The following ZFHX3 variants were observed in gnomAD, a reference collection of about 807,000 sequenced individuals.
ZFHX3 encodes zinc finger homeobox 3, also known as zinc finger homeobox protein 3.
In ZFHX3, 42 loss-of-function variants were observed where a neutral mutation model predicts 279.1. The observed-to-expected ratio is 0.15, with a 90% CI of 0.12 to 0.19. The LOEUF is 0.19. Ranked by LOEUF, ZFHX3 falls within the 10% of genes least tolerant of loss-of-function variation. The pLI is 1.00. For missense variants in ZFHX3, 4,981 were observed against 4,754.0 expected (o/e 1.05, Z -1.40); for synonymous variants, 2,293 against 1,957.8 (o/e 1.17, Z -4.52).
chr16:73,680,420 G>A (rs1338399624), intron 1 of ZFHX3, among the ~76,000 whole-genome samples: 1 of 152,188 alleles, frequency 6.6e-6, no homozygotes, highest in East Asian at 1.9e-4. Flanking sequence ...AATGTTGACT[G>A]TTTCAGCTCA....
At chr16:73,363,226 A>T (rs2016464817) in intron 3 of ZFHX3, among the ~76,000 whole-genome samples, 1 of 152,264 alleles carries the variant, frequency 6.6e-6, no homozygotes, top group African/African-American at 2.4e-5. Flanking sequence ...GCAGAAGAAC[A>T]ACTCGGAGGA....
chr16:73,413,583 G>A (rs932781212), intron 3 of ZFHX3, among the ~76,000 whole-genome samples: 1 of 152,190 alleles, frequency 6.6e-6, no homozygotes, highest in Non-Finnish European at 1.5e-5. Context: ...GTGGAGGAGA[G>A]AGGCAATCGA....
chr16:73,433,051 G>A (rs1002977581), intron 3 of ZFHX3, among the ~76,000 whole-genome samples: 3 of 152,196 alleles, frequency 2.0e-5, no homozygotes, highest in African/African-American at 7.2e-5. Flanking sequence ...ACTGTCCTAA[G>A]AGCCCTGCTG....
At chr16:73,508,376 G>C (rs1408630140) in intron 2 of ZFHX3, among the ~76,000 whole-genome samples, 1 of 152,124 alleles carries the variant, frequency 6.6e-6, no homozygotes, top group Non-Finnish European at 1.5e-5. Flanking sequence ...AGGAAGAGGA[G>C]GAGGAGGAAA....
chr16:73,252,267 A>C (rs886100056), intron 5 of ZFHX3, among the ~76,000 whole-genome samples: 1 of 152,198 alleles, frequency 6.6e-6, no homozygotes, highest in East Asian at 1.9e-4. Flanking sequence ...GGCCTGGAAG[A>C]AGAAAAGACT....
intron 3 of ZFHX3, among the ~76,000 whole-genome samples, chr16:73,385,570 G>A (rs1020356716): frequency 2.6e-5 from 4 of 152,180 alleles, no homozygotes; most frequent in South Asian, 2.1e-4. Flanking sequence ...ATCCTGCTAC[G>A]AGTCAACTGA....
intron 3 of ZFHX3, among the ~76,000 whole-genome samples, chr16:73,414,262 C>A (rs1397421010): frequency 6.6e-6 from 1 of 152,160 alleles, no homozygotes; most frequent in Non-Finnish European, 1.5e-5. Flanking sequence ...AGGGTATAAC[C>A]CACACAGAGA....
At chr16:73,119,711 G>A (rs12446805) in intron 7 of ZFHX3, among the ~76,000 whole-genome samples, 67,431 of 151,766 alleles carry the variant, frequency 0.44, 16,593 homozygotes, top group Middle Eastern at 0.6. Flanking sequence ...TAGAAATGGG[G>A]TCTTGCTCTA....
intron 4 of ZFHX3, among the ~76,000 whole-genome samples, chr16:72,874,511 C>T (rs2038256540): frequency 6.6e-6 from 1 of 151,904 alleles, no homozygotes; most frequent in African/African-American, 2.4e-5. Context: ...CTGGAGGAGC[C>T]ATCTTTAGAC....
intron 7 of ZFHX3, among the ~76,000 whole-genome samples, chr16:73,118,292 TC>T (rs1966456097): frequency 6.6e-6 from 1 of 152,210 alleles, no homozygotes; most frequent in Admixed American, 6.5e-5. Context: ...CGCTGCAACC[TC>T]CAACTCCTAG....
chr16:73,014,073 C>G (rs1418787251), intron 1 of ZFHX3, among the ~76,000 whole-genome samples: 1 of 152,152 alleles, frequency 6.6e-6, no homozygotes, highest in Admixed American at 6.5e-5. Context: ...AGGACAGAGT[C>G]AGGCAGAAGA....
intron 4 of ZFHX3, among the ~76,000 whole-genome samples, chr16:73,298,485 A>G (rs1597270200): frequency 6.7e-6 from 1 of 148,246 alleles, no homozygotes; most frequent in East Asian, 2.0e-4. Context: ...CGCCCAACCT[A>G]TTTATGTTGT....
At chr16:73,713,849 G>T (rs2053388852) in intron 1 of ZFHX3, among the ~76,000 whole-genome samples, 1 of 152,114 alleles carries the variant, frequency 6.6e-6, no homozygotes, top group Non-Finnish European at 1.5e-5. Flanking sequence ...TTGTGATAAT[G>T]ATATATCATT....
chr16:73,056,888 T>C (rs1260797073), intron 1 of ZFHX3, among the ~76,000 whole-genome samples: 2 of 152,204 alleles, frequency 1.3e-5, no homozygotes, highest in South Asian at 2.1e-4. Flanking sequence ...GGAAAAAAAG[T>C]AATTTTTTAA....
Position 72,958,726 on chromosome 16 carries a change from C to T in ZFHX3, c.1420G>A (p.Glu474Lys). Residue 474 changes from glutamate to lysine, a missense_variant, in exon 2 of 10, where the codon GAG (glutamate) becomes AAG (lysine). Physicochemically the swap from Glu to Lys is moderately conservative, Grantham distance 56 (BLOSUM62 1). Transcript: ENST00000268489. ...EEEEEEEEAEEEEEEEEEEEE... is the reference protein window; with the variant it reads ...EEEEEEEEAEKEEEEEEEEEE... The stretch of plus-strand genomic sequence containing the variant: ...TCCTCCTCCTCTTCTTCCTCCTCCT[C>T]CTCCGCCTCTTCCTCCTCCTCTTCC... The T allele has an allele frequency of 2.5e-6, 4 of 1,613,156 alleles. No individual in the cohort carries two copies. Among genetic ancestry groups the T allele is most frequent in the Non-Finnish European group, 3.4e-6 (4 of 1,179,402 alleles).
chr16:73,188,686 A>G (rs1469975274), intron 5 of ZFHX3, among the ~76,000 whole-genome samples: 1 of 152,126 alleles, frequency 6.6e-6, no homozygotes, highest in Non-Finnish European at 1.5e-5. Context: ...CTATTTTGCT[A>G]CTGTTGGAAA....
chr16:73,813,949 T>C (rs1443784146), intron 1 of ZFHX3: 1 of 152,268 alleles, frequency 6.6e-6, no homozygotes, highest in Non-Finnish European at 1.5e-5. Flanking sequence ...TTAATTTAAC[T>C]CATTGTAGCA....
intron 6 of ZFHX3, among the ~76,000 whole-genome samples, chr16:73,136,068 G>C (rs191644089): frequency 1.3e-5 from 2 of 152,192 alleles, no homozygotes; most frequent in East Asian, 1.9e-4. Context: ...ATGTTGGTCA[G>C]GATGGTCTCG....
intron 5 of ZFHX3, among the ~76,000 whole-genome samples, chr16:73,237,338 T>C (rs1244389040): frequency 6.6e-6 from 1 of 152,136 alleles, no homozygotes; most frequent in Non-Finnish European, 1.5e-5. Flanking sequence ...CTTATTCTCC[T>C]GGGATCAAGT....
Sources: gnomAD v4.1 joint callset for allele counts (sites outside exome capture counted in the v4.1 genomes callset) on GRCh38, gnomAD v4.1.1 for gene constraint, MANE v1.5 for transcripts, NCBI Gene and HGNC (gene_info 2026-07-23, HGNC 2026-07-21) for gene names.